RGS7: variants seen among roughly 807,000 people sequenced by gnomAD.
RGS7 encodes regulator of G protein signaling 7.
RGS7 carries 27 observed loss-of-function variants against 81.1 expected under a neutral mutation model. The observed-to-expected ratio is 0.33, with a 90% CI of 0.25 to 0.46. The LOEUF (loss-of-function observed/expected upper bound fraction) is 0.46. Ranked by LOEUF, RGS7 falls within the 20% of genes least tolerant of loss-of-function variation. The probability of loss-of-function intolerance (pLI) is 1.00; values close to 1 mark genes in which losing one functional copy is unlikely to be tolerated. For missense variants in RGS7, 396 were observed against 607.4 expected (o/e 0.65, Z 3.66); for synonymous variants, 208 against 207.7 (o/e 1.00, Z -0.01).
chr1:241,215,374 G>T (rs2074485279), intron 2 of RGS7, among the ~76,000 whole-genome samples: 1 of 152,128 alleles, frequency 6.6e-6, no homozygotes, highest in African/African-American at 2.4e-5. Flanking sequence ...TCAAACGCTG[G>T]CTCTTAGCAA....
At chr1:240,962,476 C>A (rs1681622590) in intron 4 of RGS7, among the ~76,000 whole-genome samples, 1 of 152,132 alleles carries the variant, frequency 6.6e-6, no homozygotes, top group East Asian at 1.9e-4. Flanking sequence ...CAAATGTGTA[C>A]CTCAGTCATC....
intron 9 of RGS7, among the ~76,000 whole-genome samples, chr1:240,834,975 A>G (rs1421433786): frequency 1.3e-5 from 2 of 151,786 alleles, no homozygotes; most frequent in African/African-American, 2.4e-5. Context: ...ATGAATCATA[A>G]ACCTAAATGT....
chr1:240,854,317 T>C (rs1660683905), intron 9 of RGS7, among the ~76,000 whole-genome samples: 1 of 152,250 alleles, frequency 6.6e-6, no homozygotes, highest in Admixed American at 6.5e-5. Flanking sequence ...CTTGGTCATC[T>C]ATTCCCAGTT....
intron 2 of RGS7, among the ~76,000 whole-genome samples, chr1:241,189,781 T>C (rs1170249404): frequency 1.3e-5 from 2 of 152,186 alleles, no homozygotes; most frequent in Non-Finnish European, 2.9e-5. Context: ...TGAAAGGTGA[T>C]GTTTCCTTCA....
chr1:241,288,305 C>T (rs1310967242), intron 2 of RGS7, among the ~76,000 whole-genome samples: 1 of 152,168 alleles, frequency 6.6e-6, no homozygotes, highest in Non-Finnish European at 1.5e-5. Flanking sequence ...GATCACGTGG[C>T]TTGTGATGAG....
chr1:240,983,496 A>G (rs937270922), intron 3 of RGS7, among the ~76,000 whole-genome samples: 7 of 152,160 alleles, frequency 4.6e-5, no homozygotes, highest in African/African-American at 1.7e-4. Flanking sequence ...TTCCTGTCTC[A>G]TTTTTGGTTG....
At chr1:240,965,907 A>C (rs1682214995) in intron 4 of RGS7, among the ~76,000 whole-genome samples, 1 of 152,232 alleles carries the variant, frequency 6.6e-6, no homozygotes, top group South Asian at 2.1e-4. Flanking sequence ...CCCAGATGGG[A>C]GCTGGAAAGC....
intron 2 of RGS7, among the ~76,000 whole-genome samples, chr1:241,308,622 C>T (rs1357713498): frequency 6.6e-6 from 1 of 152,134 alleles, no homozygotes; most frequent in Non-Finnish European, 1.5e-5. Context: ...TCTGTCATGG[C>T]CTGGATACAA....
chr1:240,964,184 C>T (rs190070335), intron 4 of RGS7, among the ~76,000 whole-genome samples: 9 of 152,240 alleles, frequency 5.9e-5, no homozygotes, highest in Admixed American at 1.3e-4. Flanking sequence ...GACATTTCCT[C>T]CTTGCTTTCT....
intron 3 of RGS7, among the ~76,000 whole-genome samples, chr1:241,005,168 A>G (rs1323148098): frequency 2.0e-5 from 3 of 152,164 alleles, no homozygotes; most frequent in Admixed American, 6.5e-5. Flanking sequence ...ATCTTTCACC[A>G]TGGTTCAATT....
chr1:241,241,594 A>G (rs1297009405), intron 2 of RGS7, among the ~76,000 whole-genome samples: 1 of 151,960 alleles, frequency 6.6e-6, no homozygotes, highest in Non-Finnish European at 1.5e-5. Context: ...TGGAATAGTA[A>G]CCAGAGCTGT....
chr1:241,089,942 C>G lies in RGS7; in HGVS notation c.175+8724G>C, dbSNP rs1030395410. Reference sequence around the variant, plus strand: ...CTGGGAGGTGGAGCTTGAAGTGAGCCGAGATCGCGCCACTGCACTCCAGCC... The same window carrying G: ...CTGGGAGGTGGAGCTTGAAGTGAGCGGAGATCGCGCCACTGCACTCCAGCC... On this transcript the variant is annotated intron_variant, in intron 3 of 18. Transcript: ENST00000440928. 6.2e-5 allele frequency among the ~76,000 whole-genome samples: 9 copies of G among 144,512 alleles called. No individual in the cohort carries two copies. The East Asian group carries it at 1.0e-3, about 16-fold the overall frequency. 94.8% of individuals were successfully genotyped at this position (144,512 alleles called of 152,430 possible).
rs1558320576 is a variant in RGS7 at position 241,327,040 on chromosome 1, G to GGA, written c.78+28658_78+28659insTC. Among the ~76,000 whole-genome samples the GGA allele has an allele frequency of 8.4e-4, 7 of 8,300 alleles. 1 individual carries two copies. Among genetic ancestry groups the GGA allele is most frequent in the Admixed American group, 1.9e-3 (2 of 1,054 alleles). The allele number at this position is 8,300 out of a possible 152,430, so 5.4% of individuals were successfully genotyped here. ...GAAGGAAGGAAGGAAGGAAGGAAGG[G>GGA]AGGGAGGGGAAAGGAAGGAAGAAGG... On this transcript the variant is annotated intron_variant, in intron 2 of 18. Coordinates refer to ENST00000440928, the MANE Select transcript of RGS7 (RefSeq NM_001364886.1).
intron 3 of RGS7, among the ~76,000 whole-genome samples, chr1:241,090,615 T>C (rs1290950493): frequency 6.6e-6 from 1 of 152,240 alleles, no homozygotes; most frequent in Non-Finnish European, 1.5e-5. Context: ...TCAATTACCT[T>C]GTAAATAGTC....
At chr1:240,996,931 C>T (rs1459138647) in intron 3 of RGS7, among the ~76,000 whole-genome samples, 1 of 151,442 alleles carries the variant, frequency 6.6e-6, no homozygotes, top group African/African-American at 2.4e-5. Context: ...TTTTAAAATC[C>T]ATTTCAATTT....
intron 2 of RGS7, among the ~76,000 whole-genome samples, chr1:241,207,509 T>C (rs2073993998): frequency 6.6e-6 from 1 of 151,940 alleles, no homozygotes; most frequent in African/African-American, 2.4e-5. Flanking sequence ...ACTACTGTCT[T>C]CATGCAGCCC....
intron 10 of RGS7, among the ~76,000 whole-genome samples, chr1:240,818,893 G>A (rs1691289873): frequency 6.6e-6 from 1 of 151,956 alleles, no homozygotes; most frequent in Admixed American, 6.6e-5. Context: ...TAATAATAAT[G>A]TATTCCATAT....
At chr1:241,253,678 C>T (rs1344500022) in intron 2 of RGS7, among the ~76,000 whole-genome samples, 4 of 152,190 alleles carry the variant, frequency 2.6e-5, no homozygotes, top group Admixed American at 2.6e-4. Flanking sequence ...ACATTTCTCT[C>T]CTTCCATAAT....
intron 3 of RGS7, among the ~76,000 whole-genome samples, chr1:241,028,569 A>G (rs1432700570): frequency 1.3e-5 from 2 of 152,160 alleles, no homozygotes; most frequent in African/African-American, 2.4e-5. Flanking sequence ...GAGCCAGGAG[A>G]GCACGGGATG....
Sources: allele counts gnomAD v4.1 joint callset (sites outside exome capture counted in the v4.1 genomes callset), GRCh38; gene constraint gnomAD v4.1.1; transcripts MANE v1.5; gene names NCBI Gene and HGNC (gene_info 2026-07-23, HGNC 2026-07-21).